The following CCSER2 variants were observed in gnomAD, a reference collection of about 807,000 sequenced individuals.
The protein encoded by CCSER2 is coiled-coil serine rich protein 2, also known as serine-rich coiled-coil domain-containing protein 2.
CCSER2 carries 46 observed loss-of-function variants against 92.3 expected under a neutral mutation model. That is an observed-to-expected ratio of 0.50 (90% CI 0.39 to 0.64). The LOEUF (loss-of-function observed/expected upper bound fraction) is 0.64. CCSER2 is among the 30% of genes least tolerant of loss of function. CCSER2 has a pLI of 0.00. For synonymous variants in CCSER2, 433 were observed against 431.4 expected (o/e 1.00, Z -0.04); for missense variants, 1,244 against 1,238.9 (o/e 1.00, Z -0.06).
chr10:84,376,929 A>G (rs558645029), intron 3 of CCSER2, among the ~76,000 whole-genome samples: 1 of 152,174 alleles, frequency 6.6e-6, no homozygotes, highest in East Asian at 1.9e-4. Flanking sequence ...TTTTTTGATA[A>G]CTACTCACAG....
intron 5 of CCSER2, among the ~76,000 whole-genome samples, chr10:84,436,388 C>A (rs1844148053): frequency 1.5e-5 from 2 of 137,616 alleles, no homozygotes; most frequent in Admixed American, 1.6e-4. Context: ...GTCATCCCAG[C>A]ACTTTGGGAG....
Position 84,373,721 on chromosome 10 carries a change from C to T in CCSER2, c.1520C>T (p.Ser507Phe), listed in dbSNP as rs1303754965. Residue 507 changes from serine to phenylalanine, a missense_variant, in exon 3 of 10, where the codon TCT (serine) becomes TTT (phenylalanine). By Grantham distance (155) the Ser-to-Phe change is radical. Transcript: ENST00000372088. The stretch of plus-strand genomic sequence containing the variant: ...TTTGAACTCTCTCCATCTGATAGCT[C>T]TGATGGAACATACATGTGGGATGAA... ...SSFELSPSDSSDGTYMWDEEG... is the reference protein window; with the variant it reads ...SSFELSPSDSFDGTYMWDEEG... 1.2e-6 allele frequency: 2 copies of T among 1,613,764 alleles called. No individual in the cohort carries two copies. Among genetic ancestry groups the T allele is most frequent in the East Asian group, 4.5e-5 (2 of 44,852 alleles).
chr10:84,506,899 C>T (rs945190130), intron 9 of CCSER2, among the ~76,000 whole-genome samples: 1 of 152,148 alleles, frequency 6.6e-6, no homozygotes, highest in African/African-American at 2.4e-5. Flanking sequence ...CTACCTCCTT[C>T]ATAAGAGGTT....
intron 6 of CCSER2, among the ~76,000 whole-genome samples, chr10:84,457,261 T>C (rs1446716967): frequency 1.1e-3 from 34 of 32,124 alleles, no homozygotes; most frequent in East Asian, 6.8e-3. Flanking sequence ...TTATATAAAA[T>C]ATATTATATA....
At chr10:84,487,820 G>GT (rs1339911122) in intron 9 of CCSER2, among the ~76,000 whole-genome samples, 4 of 152,256 alleles carry the variant, frequency 2.6e-5, no homozygotes, top group South Asian at 2.1e-4. Context: ...TCTTGTGCCA[G>GT]TTTCAAAGGG....
At chr10:84,394,539 G>A (rs1025137512) in intron 3 of CCSER2, among the ~76,000 whole-genome samples, 2 of 151,800 alleles carry the variant, frequency 1.3e-5, no homozygotes, top group African/African-American at 4.8e-5. Flanking sequence ...TTTAGCATAC[G>A]GAACAGCATG....
chr10:84,460,256 A>ATTT (rs57903884), intron 6 of CCSER2, among the ~76,000 whole-genome samples: 12,768 of 125,544 alleles, frequency 0.1, 2,001 homozygotes, highest in African/African-American at 0.34. Flanking sequence ...TGCCCGGCTG[A>ATTT]TTTTTTTTTT....
At chr10:84,480,311 C>T (rs1444552055) in intron 9 of CCSER2, among the ~76,000 whole-genome samples, 1 of 152,084 alleles carries the variant, frequency 6.6e-6, no homozygotes. Context: ...ACATGAGCCA[C>T]CATGCCTGAC....
rs937856238 is a variant in CCSER2, at chr10:84,517,968, A to C, written c.*3701A>C. 6.6e-6 allele frequency: 1 copy of C among 152,106 alleles called. No individual in the cohort carries two copies. Among genetic ancestry groups the C allele is most frequent in the Admixed American group, 6.5e-5 (1 of 15,272 alleles). The allele number at this position is 152,106 out of a possible 1,614,324, so 9.4% of individuals were successfully genotyped here. A position where few individuals can be genotyped will look rare whatever the true frequency, so the allele number is the denominator to read the frequency against. ...ACCATTTCAATTTACTTTCCATCTT[A>C]CCCAGTAGTTTTTGTGTTTTTAAAT... On this transcript the variant is annotated 3_prime_UTR_variant, in exon 10 of 10. Coordinates refer to ENST00000372088, the MANE Select transcript of CCSER2 (RefSeq NM_001284240.2).
chr10:84,419,306 A>C (rs1365653954), intron 4 of CCSER2, among the ~76,000 whole-genome samples: 1 of 151,858 alleles, frequency 6.6e-6, no homozygotes, highest in Non-Finnish European at 1.5e-5. Context: ...GATCACCAAA[A>C]AACGGGAGAA....
At chr10:84,424,330 A>T (rs1030685344) in intron 4 of CCSER2, among the ~76,000 whole-genome samples, 1 of 152,034 alleles carries the variant, frequency 6.6e-6, no homozygotes, top group Non-Finnish European at 1.5e-5. Context: ...CAACAAATTG[A>T]AATAAGTTCA....
chr10:84,492,137 G>A (rs1417327428), intron 9 of CCSER2, among the ~76,000 whole-genome samples: 1 of 152,020 alleles, frequency 6.6e-6, no homozygotes, highest in Non-Finnish European at 1.5e-5. Flanking sequence ...ATATTATCCA[G>A]GCATGGTGGC....
At chr10:84,400,405 A>C (rs1385202451) in intron 3 of CCSER2, among the ~76,000 whole-genome samples, 1 of 152,164 alleles carries the variant, frequency 6.6e-6, no homozygotes. Context: ...TCCTGGACTC[A>C]AGCAGTCTGC....
chr10:84,347,701 G>A (rs917677971), intron 1 of CCSER2, among the ~76,000 whole-genome samples: 1 of 151,532 alleles, frequency 6.6e-6, no homozygotes, highest in Non-Finnish European at 1.5e-5. Flanking sequence ...CTTCTCAGAC[G>A]GGGCGGCTGC....
intron 9 of CCSER2, among the ~76,000 whole-genome samples, chr10:84,483,238 C>T (rs1476910218): frequency 6.6e-6 from 1 of 151,940 alleles, no homozygotes; most frequent in African/African-American, 2.4e-5. Flanking sequence ...ACTAAAAATA[C>T]AAAAATTAGT....
At chr10:84,495,608 A>G (rs1230926226) in intron 9 of CCSER2, among the ~76,000 whole-genome samples, 3 of 152,172 alleles carry the variant, frequency 2.0e-5, no homozygotes, top group Non-Finnish European at 4.4e-5. Context: ...TTATGAGATT[A>G]TGCTTCAGCT....
chr10:84,383,882 A>G (rs1024861181), intron 3 of CCSER2, among the ~76,000 whole-genome samples: 1 of 152,222 alleles, frequency 6.6e-6, no homozygotes, highest in African/African-American at 2.4e-5. Context: ...AACAAAATTG[A>G]CAGGCTGCCA....
Position 84,514,905 on chromosome 10 carries a change from T to A in CCSER2, c.*638T>A, listed in dbSNP as rs1335474419. On this transcript the variant is annotated 3_prime_UTR_variant, in exon 10 of 10. Coordinates refer to ENST00000372088, the MANE Select transcript of CCSER2 (RefSeq NM_001284240.2). ...AAATTCCCCAGACTGAAAGTGTTTC[T>A]TATTACATATAAATCAGTTATATAT... 1 of 152,764 alleles carries A rather than the reference T, an allele frequency of 6.5e-6. No individual in the cohort carries two copies. The highest frequency in any genetic ancestry group is 1.9e-4 in the East Asian group (1 of 5,206). The allele number at this position is 152,764 out of a possible 1,614,324, so 9.5% of individuals were successfully genotyped here.
chr10:84,465,616 G>A (rs188363072), intron 7 of CCSER2, among the ~76,000 whole-genome samples: 2 of 151,894 alleles, frequency 1.3e-5, no homozygotes, highest in South Asian at 2.1e-4. Flanking sequence ...ATGAGCCATC[G>A]CACCCGGACA....
Sources: allele counts gnomAD v4.1 joint callset (sites outside exome capture counted in the v4.1 genomes callset), GRCh38; gene constraint gnomAD v4.1.1; transcripts MANE v1.5; gene names NCBI Gene and HGNC (gene_info 2026-07-23, HGNC 2026-07-21).